HIVEP2: variants seen among roughly 807,000 people sequenced by gnomAD.
The protein encoded by HIVEP2 is HIVEP zinc finger 2, also known as transcription factor HIVEP2.
Under a neutral mutation model 180.7 loss-of-function variants are expected in HIVEP2, and 14 were observed. The observed-to-expected ratio is 0.08, with a 90% CI of 0.05 to 0.12. The LOEUF (loss-of-function observed/expected upper bound fraction) is 0.12, where lower values mean the gene tolerates loss of function less well. Ranked by LOEUF, HIVEP2 falls within the 10% of genes least tolerant of loss-of-function variation. HIVEP2 has a pLI of 1.00. For missense variants in HIVEP2, 2,579 were observed against 3,008.5 expected (o/e 0.86, Z 3.34); for synonymous variants, 1,184 against 1,136.4 (o/e 1.04, Z -0.84).
intron 1 of HIVEP2, among the ~76,000 whole-genome samples, chr6:142,911,181 A>C (rs1477389826): frequency 6.6e-6 from 1 of 151,948 alleles, no homozygotes. Flanking sequence ...AGCACAAACA[A>C]CATTTCAGGG....
intron 1 of HIVEP2, among the ~76,000 whole-genome samples, chr6:142,850,834 C>G (rs1397289421): frequency 1.3e-5 from 2 of 152,206 alleles, no homozygotes; most frequent in African/African-American, 4.8e-5. Flanking sequence ...CCTGCTCCAT[C>G]TGGGGTCATA....
chr6:142,764,549 G>C (rs1775332904), intron 7 of HIVEP2, among the ~76,000 whole-genome samples: 1 of 152,130 alleles, frequency 6.6e-6, no homozygotes, highest in Admixed American at 6.5e-5. Flanking sequence ...CAGACAATTT[G>C]TAGCCACTTC....
In HIVEP2 at chr6:142,867,794, G is replaced by C. The variant is rs187630815; in HGVS notation, c.-640-30747C>G. Among the ~76,000 whole-genome samples, 66 of 152,276 alleles carry C rather than the reference G, an allele frequency of 4.3e-4. 1 individual carries two copies. Among genetic ancestry groups the C allele is most frequent in the African/African-American group, 1.5e-3 (62 of 41,562 alleles). ...CTAACGCATTAATAAAGGTGGATTC[G>C]CATGCAAGACTTGGTTGCTATCCTA... On this transcript the variant is annotated intron_variant, in intron 1 of 9. Coordinates refer to ENST00000367603, the MANE Select transcript of HIVEP2 (RefSeq NM_006734.4).
chr6:142,860,453 C>T (rs887497234), intron 1 of HIVEP2, among the ~76,000 whole-genome samples: 2 of 152,116 alleles, frequency 1.3e-5, no homozygotes, highest in Non-Finnish European at 1.5e-5. Flanking sequence ...ATGTATTGTA[C>T]ACTTTATTTC....
intron 9 of HIVEP2, among the ~76,000 whole-genome samples, chr6:142,754,873 G>C (rs147988765): frequency 4.3e-4 from 65 of 152,260 alleles, no homozygotes; most frequent in African/African-American, 1.5e-3. Flanking sequence ...TGTTTCTGTA[G>C]TGAAATACAA....
At chr6:142,824,343 T>C (rs572706716) in intron 2 of HIVEP2, among the ~76,000 whole-genome samples, 1 of 152,278 alleles carries the variant, frequency 6.6e-6, no homozygotes, top group Admixed American at 6.5e-5. Flanking sequence ...TTAATTACTG[T>C]TCAAAACAAT....
intron 2 of HIVEP2, among the ~76,000 whole-genome samples, chr6:142,829,086 T>C (rs6570530): frequency 0.56 from 84,319 of 151,924 alleles, 23,967 homozygotes; most frequent in African/African-American, 0.67. Flanking sequence ...TTCTTGGTGA[T>C]GCCATCTGTG....
chr6:142,778,875 T>C (rs1468463197), intron 3 of HIVEP2, among the ~76,000 whole-genome samples: 1 of 152,184 alleles, frequency 6.6e-6, no homozygotes, highest in Admixed American at 6.5e-5. Flanking sequence ...TTAACTTTAA[T>C]ATATGAAATG....
At chr6:142,818,739 A>C (rs1776930049) in intron 2 of HIVEP2, among the ~76,000 whole-genome samples, 1 of 119,896 alleles carries the variant, frequency 8.3e-6, no homozygotes, top group Non-Finnish European at 1.8e-5. Flanking sequence ...AAAGAAAAGA[A>C]AGAAAGAAAG....
At chr6:142,803,525 C>T (rs1446237609) in intron 2 of HIVEP2, among the ~76,000 whole-genome samples, 1 of 149,026 alleles carries the variant, frequency 6.7e-6, no homozygotes, top group African/African-American at 2.5e-5. Flanking sequence ...CTATAACCAA[C>T]ACTGAGGCAA....
At chr6:142,833,345 A>G (rs1775143597) in intron 2 of HIVEP2, among the ~76,000 whole-genome samples, 1 of 152,262 alleles carries the variant, frequency 6.6e-6, no homozygotes, top group Non-Finnish European at 1.5e-5. Flanking sequence ...GAAACAAGGC[A>G]TATGATCAGT....
chr6:142,912,497 C>G (rs1057305507), intron 1 of HIVEP2, among the ~76,000 whole-genome samples: 2 of 152,342 alleles, frequency 1.3e-5, no homozygotes, highest in African/African-American at 4.8e-5. Context: ...GCACATCCAT[C>G]TCCTCTACAG....
At chr6:142,793,011 G>C (rs535892874) in intron 2 of HIVEP2, among the ~76,000 whole-genome samples, 16 of 152,194 alleles carry the variant, frequency 1.1e-4, no homozygotes, top group African/African-American at 3.6e-4. Context: ...GATGAGTGGG[G>C]AACAGTCAAT....
At chr6:142,920,208 A>T (rs1177686239) in intron 1 of HIVEP2, among the ~76,000 whole-genome samples, 1 of 152,256 alleles carries the variant, frequency 6.6e-6, no homozygotes, top group Non-Finnish European at 1.5e-5. Flanking sequence ...ACAGAGTTAT[A>T]GCTAAAAAGA....
intron 5 of HIVEP2, among the ~76,000 whole-genome samples, 170 bp downstream of exon 5, chr6:142,769,382 C>T (rs138205325): frequency 1.3e-5 from 2 of 152,326 alleles, no homozygotes; most frequent in East Asian, 3.9e-4. Flanking sequence ...GAACCAAGTG[C>T]AGTCAGTGGC....
At chr6:142,869,386 T>C (rs1056847866) in intron 1 of HIVEP2, among the ~76,000 whole-genome samples, 3 of 152,200 alleles carry the variant, frequency 2.0e-5, no homozygotes, top group African/African-American at 7.2e-5. Context: ...GATAAATATA[T>C]ATAGTATCAA....
chr6:142,884,324 A>G (rs1776646046), intron 1 of HIVEP2, among the ~76,000 whole-genome samples: 1 of 152,174 alleles, frequency 6.6e-6, no homozygotes, highest in Non-Finnish European at 1.5e-5. Context: ...AAAAAGGAAT[A>G]AAACTTGGTA....
Position 142,869,201 on chromosome 6 carries a change from C to T in HIVEP2, c.-640-32154G>A, listed in dbSNP as rs555174881. Reference sequence around the variant, plus strand: ...AGAATTATCTGGAACCAAATGTCAACAATGCCAAGGTTGAGAAATCCTGGC... The same window carrying T: ...AGAATTATCTGGAACCAAATGTCAATAATGCCAAGGTTGAGAAATCCTGGC... On this transcript the variant is annotated intron_variant, in intron 1 of 9. Coordinates refer to ENST00000367603, the MANE Select transcript of HIVEP2 (RefSeq NM_006734.4). Among the ~76,000 whole-genome samples the T allele has an allele frequency of 1.4e-3, 206 of 152,250 alleles. 1 individual carries two copies. The East Asian group carries it at 0.039, about 29-fold the overall frequency.
In HIVEP2 at chr6:142,764,902, C is replaced by A. The variant is rs761759600; in HGVS notation, c.5415G>T (p.Gly1805=). ...GRGKYICEEC[G]IRCKKPSMLK... ...GCATGCTTGGCTTCTTACAGCGAAT[C>A]CCACATTCTTCACAAATGTACTTTC... Residue 1805 remains glycine, a synonymous_variant, in exon 7 of 10, where the codon GGG becomes GGT. Transcript: ENST00000367603. The A allele has an allele frequency of 1.3e-5, 21 of 1,613,890 alleles. No individual in the cohort carries two copies. The highest frequency in any genetic ancestry group is 1.7e-5 in the Non-Finnish European group (20 of 1,179,814).
Sources: gnomAD v4.1 joint callset for allele counts (sites outside exome capture counted in the v4.1 genomes callset) on GRCh38, gnomAD v4.1.1 for gene constraint, MANE v1.5 for transcripts, NCBI Gene and HGNC (gene_info 2026-07-23, HGNC 2026-07-21) for gene names.